Variants in ROBO1 observed in about 807,000 individuals in gnomAD.
ROBO1 encodes roundabout guidance receptor 1.
Under a neutral mutation model 195.9 loss-of-function variants are expected in ROBO1, and 149 were observed. The observed-to-expected ratio is 0.76, with a 90% CI of 0.67 to 0.87. The LOEUF (loss-of-function observed/expected upper bound fraction) is 0.87, where lower values mean the gene tolerates loss of function less well. ROBO1 is among the 40% of genes least tolerant of loss of function. The pLI is 0.00. For synonymous variants in ROBO1, 816 were observed against 733.2 expected (o/e 1.11, Z -1.82); for missense variants, 1,933 against 2,068.3 (o/e 0.93, Z 1.27).
At chr3:79,208,202 AG>A (rs2081907072) in intron 2 of ROBO1, among the ~76,000 whole-genome samples, 1 of 152,150 alleles carries the variant, frequency 6.6e-6, no homozygotes, top group African/African-American at 2.4e-5. Context: ...ACTCATGACT[AG>A]GTTACGTGTC....
At position 78,598,350 on chromosome 3, in the gene ROBO1, A is replaced by AT. The variant is rs1326875901; in HGVS notation, c.*562dup. On this transcript the variant is annotated 3_prime_UTR_variant, in exon 31 of 31. Coordinates refer to ENST00000464233, the MANE Select transcript of ROBO1 (RefSeq NM_002941.4). ...TTTACAATGTTTCTACCCCATTCGA[A>AT]TTGTTTGTGGTTCTGCATTTGCTAT... is the stretch of plus-strand genomic sequence containing the variant. 8 of 152,468 alleles carry AT rather than the reference A, an allele frequency of 5.2e-5. No individual in the cohort carries two copies. The East Asian group carries it at 1.5e-3, about 29-fold the overall frequency. The allele number at this position is 152,468 out of a possible 1,614,324, so 9.4% of individuals were successfully genotyped here. A position where few individuals can be genotyped will look rare whatever the true frequency, so the allele number is the denominator to read the frequency against.
chr3:79,118,436 T>C (rs933693884), intron 3 of ROBO1, among the ~76,000 whole-genome samples: 2 of 152,158 alleles, frequency 1.3e-5, no homozygotes, highest in South Asian at 4.1e-4. Flanking sequence ...TTAATAAAAC[T>C]TTAAATCTGA....
intron 1 of ROBO1, among the ~76,000 whole-genome samples, chr3:79,729,154 T>C (rs1388776842): frequency 6.6e-6 from 1 of 152,222 alleles, no homozygotes; most frequent in African/African-American, 2.4e-5. Flanking sequence ...TCATTTCATT[T>C]TCAATGTAAG....
At chr3:79,368,412 C>T (rs897763573) in intron 2 of ROBO1, among the ~76,000 whole-genome samples, 11 of 152,072 alleles carry the variant, frequency 7.2e-5, no homozygotes, top group African/African-American at 1.2e-4. Context: ...CTACCATCTG[C>T]GCATTAAAAG....
At chr3:79,727,651 G>A (rs956026569) in intron 1 of ROBO1, among the ~76,000 whole-genome samples, 1 of 152,036 alleles carries the variant, frequency 6.6e-6, no homozygotes, top group African/African-American at 2.4e-5. Flanking sequence ...CAGGTAAAAA[G>A]ATTTTCTGCA....
intron 2 of ROBO1, among the ~76,000 whole-genome samples, chr3:79,176,541 T>C (rs996264648): frequency 3.3e-5 from 5 of 152,188 alleles, no homozygotes; most frequent in Non-Finnish European, 5.9e-5. Flanking sequence ...CACTGCAGCC[T>C]CTGCTTCCTG....
intron 2 of ROBO1, among the ~76,000 whole-genome samples, chr3:79,212,890 G>C (rs1409660670): frequency 1.3e-5 from 2 of 151,890 alleles, no homozygotes; most frequent in Non-Finnish European, 2.9e-5. Context: ...TCTGGGTCTA[G>C]CTCTGGGTGT....
At chr3:79,551,816 GTC>G (rs1391772666) in intron 2 of ROBO1, among the ~76,000 whole-genome samples, 2 of 151,678 alleles carry the variant, frequency 1.3e-5, no homozygotes, top group Non-Finnish European at 2.9e-5. Context: ...ATCTTACCAA[GTC>G]TCTCTCTTCA....
chr3:79,198,782 T>C (rs746995569), intron 2 of ROBO1, among the ~76,000 whole-genome samples: 6 of 152,118 alleles, frequency 3.9e-5, no homozygotes, highest in Non-Finnish European at 7.4e-5. Context: ...TCCTAGGTAT[T>C]TTGTTCTCTT....
At chr3:79,477,300 G>C (rs900670718) in intron 2 of ROBO1, among the ~76,000 whole-genome samples, 5 of 152,114 alleles carry the variant, frequency 3.3e-5, no homozygotes, top group Non-Finnish European at 7.4e-5. Flanking sequence ...AAATCACCCT[G>C]AACAGCTTAA....
At chr3:79,430,245 T>G (rs1366616915) in intron 2 of ROBO1, among the ~76,000 whole-genome samples, 1 of 152,158 alleles carries the variant, frequency 6.6e-6, no homozygotes, top group Non-Finnish European at 1.5e-5. Context: ...TATTTATAAT[T>G]CGTAAATTTT....
intron 1 of ROBO1, among the ~76,000 whole-genome samples, chr3:79,608,264 G>A (rs1944551593): frequency 6.6e-6 from 1 of 151,888 alleles, no homozygotes; most frequent in Admixed American, 6.6e-5. Flanking sequence ...CAGCTCTTCA[G>A]CCCTTCTCTG....
At chr3:79,484,347 T>A (rs1939033918) in intron 2 of ROBO1, among the ~76,000 whole-genome samples, 1 of 152,194 alleles carries the variant, frequency 6.6e-6, no homozygotes, top group African/African-American at 2.4e-5. Flanking sequence ...GAAAAATTCA[T>A]ATCTTTTGAT....
intron 22 of ROBO1, among the ~76,000 whole-genome samples, chr3:78,639,541 CT>C: frequency 6.6e-6 from 1 of 152,274 alleles, no homozygotes; most frequent in East Asian, 1.9e-4. Flanking sequence ...CTGGGCAAAA[CT>C]TTTTTGGTGG....
chr3:79,686,451 T>G (rs991286527), intron 1 of ROBO1, among the ~76,000 whole-genome samples: 73 of 152,308 alleles, frequency 4.8e-4, no homozygotes, highest in African/African-American at 1.8e-3. Flanking sequence ...GCAGATGACA[T>G]GATTGTATAT....
At chr3:78,767,139 A>C (rs1242393859) in intron 4 of ROBO1, among the ~76,000 whole-genome samples, 2 of 152,084 alleles carry the variant, frequency 1.3e-5, no homozygotes, top group Non-Finnish European at 2.9e-5. Context: ...TCATAGAATG[A>C]ATTAGGGAGG....
intron 2 of ROBO1, among the ~76,000 whole-genome samples, chr3:79,441,580 A>G (rs1310049827): frequency 2.0e-5 from 3 of 152,140 alleles, no homozygotes; most frequent in Admixed American, 1.3e-4. Flanking sequence ...GAATAAGAGC[A>G]TATGAAAAAT....
intron 2 of ROBO1, among the ~76,000 whole-genome samples, chr3:79,187,741 G>A (rs1563382): frequency 0.72 from 109,494 of 151,858 alleles, 46,033 homozygotes; most frequent in East Asian, 1. Context: ...CACAGCTATA[G>A]TCAATTCTAT....
At chr3:79,506,108 A>C (rs951696960) in intron 2 of ROBO1, among the ~76,000 whole-genome samples, 2 of 152,090 alleles carry the variant, frequency 1.3e-5, no homozygotes, top group African/African-American at 4.8e-5. Context: ...ATTGAAAGAG[A>C]GATCACAGGT....
Sources: gnomAD v4.1 joint callset for allele counts (sites outside exome capture counted in the v4.1 genomes callset) on GRCh38, gnomAD v4.1.1 for gene constraint, MANE v1.5 for transcripts, NCBI Gene and HGNC (gene_info 2026-07-23, HGNC 2026-07-21) for gene names.